Variants in TBXAS1 observed in about 807,000 individuals in gnomAD.
TBXAS1 encodes thromboxane-A synthase.
A neutral mutation model predicts 60.7 loss-of-function variants in TBXAS1; 48 were observed. That is an observed-to-expected ratio of 0.79 (90% confidence interval 0.63 to 1.01). The LOEUF is 1.01. Ranked by LOEUF, TBXAS1 falls within the 50% of genes least tolerant of loss-of-function variation. TBXAS1 has a pLI of 0.00. For missense variants in TBXAS1, 685 were observed against 686.3 expected, an observed-to-expected ratio of 1.00 and a Z score of 0.02; for synonymous variants, 287 against 269.7, an observed-to-expected ratio of 1.06 and a Z score of -0.63.
At chr7:139,898,842 C>G (rs928471249) in intron 3 of TBXAS1, among the ~76,000 whole-genome samples, 3 of 152,128 alleles carry the variant, frequency 2.0e-5, no homozygotes, top group African/African-American at 7.2e-5. Flanking sequence ...ATCATAGGAA[C>G]AGTTTCAAGA....
At chr7:139,982,524 A>G (rs1220041495) in intron 9 of TBXAS1, among the ~76,000 whole-genome samples, 1 of 152,178 alleles carries the variant, frequency 6.6e-6, no homozygotes, top group Non-Finnish European at 1.5e-5. Context: ...TGTTTTCCAG[A>G]TTTTTTGGAC....
chr7:139,909,925 C>G (rs1472211833), intron 3 of TBXAS1, among the ~76,000 whole-genome samples: 1 of 152,220 alleles, frequency 6.6e-6, no homozygotes, highest in Non-Finnish European at 1.5e-5. Flanking sequence ...ACGGTTCCCC[C>G]AAGCAGGCTT....
chr7:139,841,685 C>T (rs1799461215), intron 1 of TBXAS1, among the ~76,000 whole-genome samples: 1 of 152,100 alleles, frequency 6.6e-6, no homozygotes, highest in Non-Finnish European at 1.5e-5. Context: ...CTATCCTTCT[C>T]CTCACTTTAT....
rs1453559416 is a variant in TBXAS1 at position 139,829,390 on chromosome 7, G to A, written c.-1G>A. ...CACCACTCTGGGGTCTCAGAGGAAT[G>A]ATGGAAGCCTTGGGGTTTCTAAAAT... On this transcript the variant is annotated 5_prime_UTR_variant, in exon 1 of 13. It removes an upstream start codon present in the reference 5' UTR. Coordinates refer to ENST00000448866, the MANE Select transcript of TBXAS1 (RefSeq NM_001061.7). The A allele has an allele frequency of 6.2e-7, 1 of 1,613,448 alleles. No individual in the cohort carries two copies. The highest frequency in any genetic ancestry group is 8.5e-7 in the Non-Finnish European group (1 of 1,179,802).
chr7:139,863,445 G>C (rs1472873779), intron 1 of TBXAS1, among the ~76,000 whole-genome samples: 1 of 152,160 alleles, frequency 6.6e-6, no homozygotes, highest in Non-Finnish European at 1.5e-5. Context: ...ACTAAATCTT[G>C]TATATAGGGT....
intron 4 of TBXAS1, among the ~76,000 whole-genome samples, chr7:139,787,779 T>C (rs1206323034): frequency 6.6e-6 from 1 of 152,206 alleles, no homozygotes; most frequent in Non-Finnish European, 1.5e-5. Context: ...GTTCTTAACC[T>C]TTTTTCTTTT....
intron 1 of TBXAS1, among the ~76,000 whole-genome samples, chr7:139,779,649 G>T (rs116043129): frequency 6.6e-6 from 1 of 152,084 alleles, no homozygotes; most frequent in African/African-American, 2.4e-5. Flanking sequence ...TTTAACTTTA[G>T]TCTTGGCCCA....
In TBXAS1 at chr7:139,896,370, G is replaced by T. The variant is rs1804092233; in HGVS notation, c.237-14855G>T. 1.3e-5 allele frequency among the ~76,000 whole-genome samples: 2 copies of T among 152,180 alleles called. No individual in the cohort carries two copies. Among genetic ancestry groups the T allele is most frequent in the South Asian group, 4.1e-4 (2 of 4,828 alleles). On this transcript the variant is annotated intron_variant, in intron 3 of 12. Transcript: ENST00000448866. This position sits in a 1 kb window ranked among gnomAD's most constrained non-coding sequence, Gnocchi z 4.0. ...ACAAGAGGGCAGCCGGCACTTTAGA[G>T]GGTAAATACTTGCAAAGAGGCAGAG... is the stretch of plus-strand genomic sequence containing the variant.
At position 140,015,714 on chromosome 7, in the gene TBXAS1, T is replaced by C. The variant is rs370365261; in HGVS notation, c.1227-9T>C. ...TCTGTATCCACCCCCGACCTGGTGT[T>C]TCCCTCAGATTCACACGGGAGGCAG... On this transcript the variant is annotated splice_polypyrimidine_tract_variant and intron_variant, in intron 10 of 12. Transcript: ENST00000448866. The C allele has an allele frequency of 1.6e-5, 25 of 1,612,864 alleles. No individual in the cohort carries two copies. In the African/African-American group the frequency reaches 3.3e-4, roughly 22 times the overall value.
At chr7:139,845,721 G>A (rs79671336) in intron 1 of TBXAS1, among the ~76,000 whole-genome samples, 4,207 of 152,114 alleles carry the variant, frequency 0.028, 106 homozygotes, top group Middle Eastern at 0.082. Context: ...GCCGCTATGG[G>A]TATCATCATA....
At chr7:139,820,794 C>T (rs941515421) in intron 4 of TBXAS1, among the ~76,000 whole-genome samples, 9 of 152,084 alleles carry the variant, frequency 5.9e-5, no homozygotes, top group African/African-American at 2.2e-4. Context: ...TCATGCGCAC[C>T]CAGCACAGTG....
chr7:139,947,662 T>C (rs1046889851), intron 5 of TBXAS1, among the ~76,000 whole-genome samples: 5 of 152,308 alleles, frequency 3.3e-5, no homozygotes, highest in South Asian at 2.1e-4. Context: ...GTGGGGATGG[T>C]GATTTCCCCT....
upstream of TBXAS1, chr7:139,829,178 C>G (rs1213907176): frequency 3.0e-6 from 2 of 677,652 alleles, no homozygotes; most frequent in Non-Finnish European, 5.4e-6. Flanking sequence ...TGATTCATTC[C>G]TTTACACTGA....
At chr7:140,015,621 C>A in intron 10 of TBXAS1, 102 bp from the exon 11 acceptor site, 1 of 1,340,026 alleles carries the variant, frequency 7.5e-7, no homozygotes, top group Non-Finnish European at 1.1e-6. Context: ...ATGCTGCCTG[C>A]CCCTGATCCC....
chr7:140,007,178 T>C lies in TBXAS1; in HGVS notation c.1222T>C (p.Phe408Leu), dbSNP rs1158335544. ...AETLRMYPPA[F>L]RFTREAAQDC... ...GACGCTGAGGATGTACCCGCCAGCT[T>C]TCAGGTGTGTGGTAGCCCCCTCCCC... The change falls in exon 10 of 13, where the codon TTC (phenylalanine) becomes CTC (leucine). Residue 408 changes from phenylalanine to leucine, a missense_variant. Physicochemically the swap from Phe to Leu is conservative, Grantham distance 22. Coordinates refer to ENST00000448866, the MANE Select transcript of TBXAS1 (RefSeq NM_001061.7). The C allele has an allele frequency of 6.2e-7, 1 of 1,614,086 alleles. No individual in the cohort carries two copies. Among genetic ancestry groups the C allele is most frequent in the Non-Finnish European group, 8.5e-7 (1 of 1,180,002 alleles).
intron 5 of TBXAS1, among the ~76,000 whole-genome samples, chr7:139,948,151 C>A (rs1213162064): frequency 6.6e-6 from 1 of 152,208 alleles, no homozygotes; most frequent in Non-Finnish European, 1.5e-5. Context: ...AGGAGTGAGC[C>A]ACTGTGCCAG....
intron 1 of TBXAS1, among the ~76,000 whole-genome samples, chr7:139,830,844 C>T (rs1798654930): frequency 6.6e-6 from 1 of 152,002 alleles, no homozygotes; most frequent in Admixed American, 6.6e-5. Context: ...TCATCAATAG[C>T]TATGCTCTGA....
At chr7:139,905,460 T>C (rs571293609) in intron 3 of TBXAS1, among the ~76,000 whole-genome samples, 1 of 152,358 alleles carries the variant, frequency 6.6e-6, no homozygotes, top group South Asian at 2.1e-4. Context: ...ATCCCTGTTA[T>C]GAAACCCACC....
At chr7:139,970,703 T>G (rs562694705) in intron 9 of TBXAS1, among the ~76,000 whole-genome samples, 1 of 152,322 alleles carries the variant, frequency 6.6e-6, no homozygotes, top group East Asian at 1.9e-4. Flanking sequence ...ATGTTAGAAG[T>G]GTATTAATCC....
Sources: gnomAD v4.1 joint callset for allele counts (sites outside exome capture counted in the v4.1 genomes callset) on GRCh38, gnomAD v4.1.1 for gene constraint, Gnocchi (gnomAD v3.1) non-coding constraint, MANE v1.5 for transcripts, NCBI Gene and HGNC (gene_info 2026-07-23, HGNC 2026-07-21) for gene names.